SRGAP3: variants seen among roughly 807,000 people sequenced by gnomAD.
SRGAP3 encodes SLIT-ROBO Rho GTPase-activating protein 3.
In SRGAP3, 39 loss-of-function variants were observed where a neutral mutation model predicts 121.1. That is an observed-to-expected ratio of 0.32 (90% CI 0.25 to 0.42). The LOEUF is 0.42. Among genes scored for constraint, SRGAP3 ranks in the 10% least tolerant of loss-of-function variants. SRGAP3 has a pLI of 1.00. For missense variants in SRGAP3, 1,213 were observed against 1,470.6 expected, an observed-to-expected ratio of 0.82 and a Z score of 2.86; for synonymous variants, 601 against 570.0, an observed-to-expected ratio of 1.05 and a Z score of -0.77.
intron 1 of SRGAP3, chr3:9,236,399 TC>T (rs1276979418): frequency 1.3e-5 from 2 of 155,334 alleles, no homozygotes; most frequent in Non-Finnish European, 2.9e-5. Context: ...TTTGGTTGTG[TC>T]CCCGCCCAAA....
chr3:9,279,749 A>G (rs1330805446), intron 3 of SRGAP3, among the ~76,000 whole-genome samples: 1 of 151,950 alleles, frequency 6.6e-6, no homozygotes, highest in Non-Finnish European at 1.5e-5. Flanking sequence ...TCCTGACCTC[A>G]TGATCCACCC....
chr3:9,287,765 AT>A (rs1291408918), intron 3 of SRGAP3, among the ~76,000 whole-genome samples: 9 of 152,290 alleles, frequency 5.9e-5, no homozygotes, highest in East Asian at 1.9e-4. Flanking sequence ...GAAAATTTTA[AT>A]TTTTTTAAGA....
intron 1 of SRGAP3, among the ~76,000 whole-genome samples, chr3:9,214,212 C>G (rs1952542313): frequency 6.6e-6 from 1 of 151,980 alleles, no homozygotes; most frequent in Admixed American, 6.6e-5. Context: ...ACAACAGAAG[C>G]TTAATAAATA....
chr3:9,134,159 C>G (rs1436316138), intron 1 of SRGAP3, among the ~76,000 whole-genome samples: 1 of 152,186 alleles, frequency 6.6e-6, no homozygotes, highest in African/African-American at 2.4e-5. Context: ...CTGCAGATGG[C>G]TTTCCTGGGT....
intron 14 of SRGAP3, 188 bp from the exon 15 acceptor site, chr3:9,015,919 T>A (rs1021496436): frequency 3.1e-6 from 2 of 635,936 alleles, no homozygotes; most frequent in Non-Finnish European, 5.5e-6. Context: ...TTGAAAATGT[T>A]TAAATCTATA....
chr3:8,992,255 G>T (rs150685368), intron 20 of SRGAP3, among the ~76,000 whole-genome samples: 22 of 152,290 alleles, frequency 1.4e-4, no homozygotes, highest in Non-Finnish European at 3.2e-4. Flanking sequence ...AAGGCAGTGA[G>T]AAACTGTCAG....
chr3:9,353,159 G>A (rs1357340833), intron 1 of SRGAP3, among the ~76,000 whole-genome samples: 5 of 152,238 alleles, frequency 3.3e-5, no homozygotes, highest in East Asian at 1.9e-4. Flanking sequence ...CCTTTGTGCA[G>A]GAGACCTGAT....
At chr3:9,240,856 A>G (rs1953608710) in intron 1 of SRGAP3, among the ~76,000 whole-genome samples, 1 of 152,134 alleles carries the variant, frequency 6.6e-6, no homozygotes. Context: ...ACACTTTCCC[A>G]AAGGTGACTT....
rs189694921 is a variant in SRGAP3, at chr3:9,313,407, G to A, written n.442+12603C>T. 2.6e-5 allele frequency among the ~76,000 whole-genome samples: 4 copies of A among 152,192 alleles called. No individual in the cohort carries two copies. In the East Asian group the frequency reaches 7.7e-4, roughly 29 times the overall value. On this transcript the variant is annotated intron_variant and non_coding_transcript_variant, in intron 3 of 3. Transcript: ENST00000490889. ...CTACTTTGAAAGGTAGCTCATAATT[G>A]GCCAGGCATGGTGGCCCACACCTGT... is the stretch of plus-strand genomic sequence containing the variant.
intron 3 of SRGAP3, among the ~76,000 whole-genome samples, chr3:9,089,915 G>T (rs2664079): frequency 0.37 from 56,703 of 151,786 alleles, 11,139 homozygotes; most frequent in Non-Finnish European, 0.45. Flanking sequence ...ATTTCTCCCC[G>T]GGGGTTGCTA....
intron 2 of SRGAP3, among the ~76,000 whole-genome samples, chr3:9,117,589 C>T (rs1363529390): frequency 6.6e-6 from 1 of 152,174 alleles, no homozygotes; most frequent in Non-Finnish European, 1.5e-5. Context: ...AGCAGTTAAA[C>T]TAGCAGCAAC....
intron 2 of SRGAP3, among the ~76,000 whole-genome samples, chr3:9,122,708 CAAAAA>C (rs1243147025): frequency 1.5e-5 from 1 of 66,206 alleles, no homozygotes. Flanking sequence ...GACTCCGTCT[CAAAAA>C]AAAAAAAAAA....
At chr3:9,124,204 A>G (rs151291268) in intron 2 of SRGAP3, among the ~76,000 whole-genome samples, 2 of 152,296 alleles carry the variant, frequency 1.3e-5, no homozygotes, top group East Asian at 3.9e-4. Flanking sequence ...AAATAAGTAA[A>G]TAAGGCAGGG....
At chr3:9,311,436 A>G (rs971527105) in intron 3 of SRGAP3, among the ~76,000 whole-genome samples, 2 of 152,236 alleles carry the variant, frequency 1.3e-5, no homozygotes, top group East Asian at 1.9e-4. Context: ...AGGTCAGCCA[A>G]CTTTTTCTGC....
chr3:9,207,481 T>A (rs2125170143), intron 1 of SRGAP3, among the ~76,000 whole-genome samples: 2 of 152,318 alleles, frequency 1.3e-5, no homozygotes, highest in Middle Eastern at 3.4e-3. Flanking sequence ...ATCATCTATG[T>A]ATTATAGATT....
intron 1 of SRGAP3, among the ~76,000 whole-genome samples, chr3:9,242,595 A>G (rs1953685410): frequency 6.6e-6 from 1 of 152,384 alleles, no homozygotes; most frequent in African/African-American, 2.4e-5. Flanking sequence ...AGATCGTGCC[A>G]CTGCACTCCA....
chr3:9,089,408 G>A (rs1947649550), intron 3 of SRGAP3, among the ~76,000 whole-genome samples: 1 of 150,536 alleles, frequency 6.6e-6, no homozygotes, highest in Non-Finnish European at 1.5e-5. Flanking sequence ...TCCAAAGTTG[G>A]CACTCATAGC....
At chr3:9,069,765 A>G (rs747759521) in intron 4 of SRGAP3, among the ~76,000 whole-genome samples, 1 of 152,042 alleles carries the variant, frequency 6.6e-6, no homozygotes, top group Non-Finnish European at 1.5e-5. Context: ...TGGCCAACAT[A>G]GTGAAACCCT....
At chr3:9,230,200 G>A (rs1953148425) in intron 1 of SRGAP3, among the ~76,000 whole-genome samples, 1 of 152,202 alleles carries the variant, frequency 6.6e-6, no homozygotes, top group South Asian at 2.1e-4. Flanking sequence ...ACTGTTTGAG[G>A]TTGGATTATT....
Sources: allele counts gnomAD v4.1 joint callset (sites outside exome capture counted in the v4.1 genomes callset), GRCh38; gene constraint gnomAD v4.1.1; transcripts MANE v1.5; gene names NCBI Gene and HGNC (gene_info 2026-07-23, HGNC 2026-07-21).